The following KCNIP4 variants were observed in gnomAD, a reference collection of about 807,000 sequenced individuals.
KCNIP4 encodes potassium voltage-gated channel interacting protein 4, also known as Kv channel-interacting protein 4.
KCNIP4 carries 12 observed loss-of-function variants against 34.0 expected under a neutral mutation model. The observed-to-expected ratio is 0.35, with a 90% CI of 0.23 to 0.57. KCNIP4 has a LOEUF of 0.57. Ranked by LOEUF, KCNIP4 falls within the 20% of genes least tolerant of loss-of-function variation. KCNIP4 has a pLI of 0.83. For missense variants in KCNIP4, 238 were observed against 311.7 expected (o/e 0.76, Z 1.78); for synonymous variants, 124 against 102.2 (o/e 1.21, Z -1.29).
intron 1 of KCNIP4, among the ~76,000 whole-genome samples, chr4:21,040,260 A>G (rs1014622590): frequency 1.3e-5 from 2 of 152,032 alleles, no homozygotes; most frequent in African/African-American, 4.8e-5. Context: ...AGGAAAGCCT[A>G]TTTTTTTCCT....
At chr4:21,193,705 G>C (rs1372272419) in intron 1 of KCNIP4, among the ~76,000 whole-genome samples, 3 of 151,110 alleles carry the variant, frequency 2.0e-5, no homozygotes. Context: ...CCGAGTAGCC[G>C]GGACTACAGG....
At chr4:21,514,525 C>T (rs1734598502) in intron 1 of KCNIP4, among the ~76,000 whole-genome samples, 1 of 151,990 alleles carries the variant, frequency 6.6e-6, no homozygotes, top group African/African-American at 2.4e-5. Context: ...ACAAAAACAG[C>T]CCTAATGGGA....
chr4:21,812,101 C>T (rs555802896), intron 1 of KCNIP4, among the ~76,000 whole-genome samples: 52 of 152,240 alleles, frequency 3.4e-4, no homozygotes, highest in African/African-American at 1.2e-3. Context: ...TTGGTATATT[C>T]ACAATAACTA....
intron 2 of KCNIP4, among the ~76,000 whole-genome samples, chr4:20,862,813 T>G (rs1339342598): frequency 6.6e-6 from 1 of 152,152 alleles, no homozygotes; most frequent in Non-Finnish European, 1.5e-5. Flanking sequence ...ATTATATCAT[T>G]TGCAGAAACA....
chr4:21,112,065 C>G (rs1403882555), intron 1 of KCNIP4, among the ~76,000 whole-genome samples: 2 of 151,808 alleles, frequency 1.3e-5, no homozygotes, highest in African/African-American at 4.9e-5. Flanking sequence ...ATCTATCTAT[C>G]TATCTATCAT....
intron 1 of KCNIP4, among the ~76,000 whole-genome samples, chr4:21,104,598 A>G (rs1159930802): frequency 6.6e-6 from 1 of 152,068 alleles, no homozygotes; most frequent in Non-Finnish European, 1.5e-5. Flanking sequence ...CTTTAGTTTA[A>G]TTAGATCCCA....
intron 1 of KCNIP4, among the ~76,000 whole-genome samples, chr4:21,567,433 T>A (rs1203481619): frequency 3.9e-5 from 6 of 151,996 alleles, no homozygotes. Flanking sequence ...CTTTCTTGCT[T>A]CTTGGATGAA....
At chr4:21,789,716 T>C (rs1720152115) in intron 1 of KCNIP4, among the ~76,000 whole-genome samples, 1 of 152,198 alleles carries the variant, frequency 6.6e-6, no homozygotes, top group Admixed American at 6.5e-5. Flanking sequence ...ATTTAATTTC[T>C]GTGTAGATTA....
chr4:21,400,560 CTTCTCTTCTCTTCT>C (rs1469890130), intron 1 of KCNIP4, among the ~76,000 whole-genome samples: 2 of 61,556 alleles, frequency 3.2e-5, no homozygotes, highest in Admixed American at 1.8e-4. Context: ...CTTCTCTTCT[CTTCTCTTCTCTTCT>C]CTTCGTTCTT....
chr4:21,707,034 G>T (rs1482626118), intron 1 of KCNIP4, among the ~76,000 whole-genome samples: 1 of 152,150 alleles, frequency 6.6e-6, no homozygotes, highest in Non-Finnish European at 1.5e-5. Context: ...ACCAATGTTT[G>T]CATCAACTTT....
At chr4:21,917,680 AT>A (rs1289346309) in intron 1 of KCNIP4, among the ~76,000 whole-genome samples, 2 of 152,202 alleles carry the variant, frequency 1.3e-5, no homozygotes, top group Non-Finnish European at 2.9e-5. Flanking sequence ...ACAATATCTG[AT>A]TGATATAGCT....
chr4:21,872,158 G>C (rs1416629437), intron 1 of KCNIP4, among the ~76,000 whole-genome samples: 1 of 152,122 alleles, frequency 6.6e-6, no homozygotes, highest in Non-Finnish European at 1.5e-5. Context: ...GAGCCAGAAG[G>C]ACCCAGCTGA....
At chr4:21,166,822 C>T (rs1215108459) in intron 1 of KCNIP4, among the ~76,000 whole-genome samples, 1 of 151,318 alleles carries the variant, frequency 6.6e-6, no homozygotes, top group African/African-American at 2.4e-5. Flanking sequence ...GCCTCTAATC[C>T]CAGCTACTTG....
In KCNIP4 at chr4:21,798,512, GAAAA is replaced by G. The variant is rs3052679; in HGVS notation, c.61+150055_61+150058del. On this transcript the variant is annotated intron_variant, in intron 1 of 8. Coordinates refer to ENST00000382152, the MANE Select transcript of KCNIP4 (RefSeq NM_025221.6). ...CCTGGGTGAGAAAGCAAGACCCTGGGAAAAAAAAAAAAAAAAAAAAGGAAAGAGA... is the reference window on the plus strand; with the variant it reads ...CCTGGGTGAGAAAGCAAGACCCTGGGAAAAAAAAAAAAAAAAGGAAAGAGA... Among the ~76,000 whole-genome samples, 125 of 102,550 alleles carry G rather than the reference GAAAA, an allele frequency of 1.2e-3. No individual in the cohort carries two copies. In the Middle Eastern group the frequency reaches 0.025, roughly 21 times the overall value. 67.3% of individuals were successfully genotyped at this position (102,550 alleles called of 152,430 possible).
intron 1 of KCNIP4, among the ~76,000 whole-genome samples, chr4:20,930,841 A>AG (rs1730387112): frequency 6.6e-6 from 1 of 151,318 alleles, no homozygotes; most frequent in Admixed American, 6.6e-5. Flanking sequence ...GCTATTATAA[A>AG]AAAAAAAAAA....
At chr4:21,836,696 T>C (rs1236316168) in intron 1 of KCNIP4, among the ~76,000 whole-genome samples, 5 of 152,204 alleles carry the variant, frequency 3.3e-5, no homozygotes, top group Middle Eastern at 3.4e-3. Flanking sequence ...AATCCAGTCT[T>C]GCTATTTTCT....
intron 1 of KCNIP4, among the ~76,000 whole-genome samples, chr4:21,442,677 C>A (rs1442223617): frequency 2.0e-5 from 3 of 152,158 alleles, no homozygotes; most frequent in African/African-American, 7.2e-5. Context: ...TTTGCTGGTT[C>A]TTTGTACTTT....
intron 1 of KCNIP4, among the ~76,000 whole-genome samples, chr4:21,765,430 A>G (rs1249334256): frequency 6.6e-6 from 1 of 152,014 alleles, no homozygotes; most frequent in Non-Finnish European, 1.5e-5. Flanking sequence ...GCATGTGTCC[A>G]TGTTGCTTAA....
chr4:21,438,557 T>A (rs1727162656), intron 1 of KCNIP4, among the ~76,000 whole-genome samples: 1 of 152,170 alleles, frequency 6.6e-6, no homozygotes, highest in East Asian at 1.9e-4. Flanking sequence ...CACAATTATG[T>A]TACCAATATT....
Sources: gnomAD v4.1 joint callset for allele counts (sites outside exome capture counted in the v4.1 genomes callset) on GRCh38, gnomAD v4.1.1 for gene constraint, MANE v1.5 for transcripts, NCBI Gene and HGNC (gene_info 2026-07-23, HGNC 2026-07-21) for gene names.